Variants in DHRSX observed in about 807,000 individuals in gnomAD.
DHRSX encodes the protein polyprenol dehydrogenase.
A neutral mutation model predicts 34.0 loss-of-function variants in DHRSX; 31 were observed. The ratio of observed to expected loss-of-function variants is 0.91; its 90% CI spans 0.69 to 1.23. DHRSX has a LOEUF of 1.23. DHRSX is among the 50% of genes most tolerant of loss of function. DHRSX has a pLI of 0.00. For synonymous variants in DHRSX, 201 were observed against 183.8 expected (o/e 1.09, Z -0.76); for missense variants, 414 against 428.1 (o/e 0.97, Z 0.29).
intron 3 of DHRSX, among the ~76,000 whole-genome samples, chrX:2,298,985 CAAAAAAAAAAAAAA>C (rs1162323678): frequency 1.1e-5 from 1 of 88,534 alleles, no homozygotes; most frequent in African/African-American, 5.4e-5. Flanking sequence ...AACTCTGTCT[CAAAAAAAAAAAAAA>C]AAAAAAAAAA....
chrX:2,304,730 G>A (rs139512885), intron 3 of DHRSX, among the ~76,000 whole-genome samples: 422 of 151,812 alleles, frequency 2.8e-3, no homozygotes, highest in Middle Eastern at 0.014. Flanking sequence ...TCTGCTTCCC[G>A]TACAGCCTGC....
chrX:2,357,700 TAAA>T (rs781233833), intron 3 of DHRSX, among the ~76,000 whole-genome samples: 13,044 of 125,082 alleles, frequency 0.1, 588 homozygotes, highest in Middle Eastern at 0.14. Flanking sequence ...CTCAGGAAAT[TAAA>T]AAAAAAAAAA....
chrX:2,254,772 G>A (rs146545039), intron 5 of DHRSX, among the ~76,000 whole-genome samples: 1,884 of 151,836 alleles, frequency 0.012, 16 homozygotes, highest in Non-Finnish European at 0.02. Context: ...TTAGCCTTCC[G>A]AGTAGCTGGG....
chrX:2,264,760 GCCCAGAGCACCTGTGCTCAGCAGACA>G (rs2041420068), intron 5 of DHRSX, among the ~76,000 whole-genome samples: 1 of 150,606 alleles, frequency 6.6e-6, no homozygotes, highest in African/African-American at 2.4e-5. Context: ...GGAGTACCGT[GCCCAGAGCACCTGTGCTCAGCAGACA>G]CAGGGAGCAC....
intron 4 of DHRSX, among the ~76,000 whole-genome samples, chrX:2,269,053 G>A (rs949895079): frequency 1.3e-5 from 2 of 152,096 alleles, no homozygotes; most frequent in African/African-American, 4.8e-5. Context: ...TTCTGTATTT[G>A]TATATATATG....
chrX:2,338,031 A>G (rs1907165983), intron 3 of DHRSX: 1 of 150,230 alleles, frequency 6.7e-6, no homozygotes, highest in African/African-American at 2.4e-5. Context: ...AGCTGGAATC[A>G]TTTAGAAATA....
intron 3 of DHRSX, among the ~76,000 whole-genome samples, chrX:2,351,653 A>C (rs1239482896): frequency 1.3e-5 from 2 of 152,138 alleles, no homozygotes; most frequent in African/African-American, 4.8e-5. Context: ...GCTGAAGAGG[A>C]GGCTGATGAT....
chrX:2,396,834 G>A (rs1363953425), intron 3 of DHRSX, among the ~76,000 whole-genome samples: 3 of 147,782 alleles, frequency 2.0e-5, no homozygotes, highest in African/African-American at 5.0e-5. Context: ...CCACGATCTC[G>A]GCTCACCACA....
intron 1 of DHRSX, among the ~76,000 whole-genome samples, chrX:2,486,195 T>C (rs934370555): frequency 2.6e-5 from 4 of 152,108 alleles, no homozygotes; most frequent in African/African-American, 9.7e-5. Flanking sequence ...GCCGGCTTTA[T>C]TCACTCAGAA....
At chrX:2,471,717 G>A (rs1366967018) in intron 1 of DHRSX, among the ~76,000 whole-genome samples, 2 of 152,112 alleles carry the variant, frequency 1.3e-5, no homozygotes, top group Admixed American at 1.3e-4. Flanking sequence ...TCCCGGAAAG[G>A]TGAACACCCC....
At chrX:2,332,228 T>A (rs1227345965) in intron 3 of DHRSX, among the ~76,000 whole-genome samples, 1 of 152,148 alleles carries the variant, frequency 6.6e-6, no homozygotes, top group Admixed American at 6.6e-5. Context: ...GTGACATTGC[T>A]GAAAGGTCGG....
chrX:2,309,675 C>T (rs1952695107), intron 3 of DHRSX, among the ~76,000 whole-genome samples: 1 of 152,100 alleles, frequency 6.6e-6, no homozygotes, highest in Admixed American at 6.6e-5. Flanking sequence ...TTTTGAGAGG[C>T]CGAGGTGGGA....
chrX:2,436,819 G>A lies in DHRSX; in HGVS notation c.110-11515C>T, dbSNP rs1038962955. ...ACTAATTTATTTTTATTTTTGTAGA[G>A]ATGGGGTCTCACTATGTTGGCCGAG... On this transcript the variant is annotated intron_variant, in intron 1 of 6. Coordinates refer to ENST00000334651, the MANE Select transcript of DHRSX (RefSeq NM_145177.3). Among the ~76,000 whole-genome samples the A allele has an allele frequency of 8.6e-4, 131 of 151,808 alleles. 1 individual carries two copies. Among genetic ancestry groups the A allele is most frequent in the Non-Finnish European group, 1.5e-3 (102 of 67,974 alleles).
chrX:2,360,318 C>T lies in DHRSX; in HGVS notation c.286+48427G>A, dbSNP rs375928250. Among the ~76,000 whole-genome samples the T allele has an allele frequency of 3.9e-5, 6 of 152,298 alleles. No individual in the cohort carries two copies. The East Asian group carries it at 7.7e-4, about 20-fold the overall frequency. Reference sequence around the variant, plus strand: ...GTTATAATGGGGCCAGGCGTGGTGGCTCACGCCTGTAATCCCAGCACTTTG... The same window carrying T: ...GTTATAATGGGGCCAGGCGTGGTGGTTCACGCCTGTAATCCCAGCACTTTG... On this transcript the variant is annotated intron_variant, in intron 3 of 6. Coordinates refer to ENST00000334651, the MANE Select transcript of DHRSX (RefSeq NM_145177.3).
rs191223939 is a variant in DHRSX, at chrX:2,477,364, G to T, written c.109+23453C>A. On this transcript the variant is annotated intron_variant, in intron 1 of 6. Coordinates refer to ENST00000334651, the MANE Select transcript of DHRSX (RefSeq NM_145177.3). ...CTCAGGAACGTGGCACAGTCAGCTC[G>T]CCACACGGGTGACCCCAGAAACAAC... 1.9e-4 allele frequency among the ~76,000 whole-genome samples: 29 copies of T among 152,260 alleles called. No individual in the cohort carries two copies. In the South Asian group the frequency reaches 5.4e-3, roughly 28 times the overall value.
At chrX:2,340,645 C>T (rs1207074483) in intron 3 of DHRSX, among the ~76,000 whole-genome samples, 1 of 152,084 alleles carries the variant, frequency 6.6e-6, no homozygotes, top group Non-Finnish European at 1.5e-5. Flanking sequence ...CCGCCAGACA[C>T]CCGCCATTGA....
intron 3 of DHRSX, among the ~76,000 whole-genome samples, chrX:2,294,084 A>G (rs187336272): frequency 0.011 from 1,615 of 148,640 alleles, 34 homozygotes; most frequent in African/African-American, 0.039. Context: ...GAGAGAAAGA[A>G]AGAAAGGCTA....
intron 1 of DHRSX, among the ~76,000 whole-genome samples, chrX:2,464,637 G>C (rs1187171278): frequency 2.6e-5 from 4 of 151,784 alleles, no homozygotes; most frequent in Admixed American, 1.3e-4. Context: ...CCCTAAGTAT[G>C]TGGCTAAGGG....
At chrX:2,456,025 A>C (rs1842078833) in intron 1 of DHRSX, among the ~76,000 whole-genome samples, 1 of 151,998 alleles carries the variant, frequency 6.6e-6, no homozygotes, top group Admixed American at 6.6e-5. Flanking sequence ...ACGACTTAGC[A>C]TCCACTGCAA....
Sources: allele counts gnomAD v4.1 joint callset (sites outside exome capture counted in the v4.1 genomes callset), GRCh38; gene constraint gnomAD v4.1.1; transcripts MANE v1.5; gene names NCBI Gene and HGNC (gene_info 2026-07-23, HGNC 2026-07-21).